Variants in FBXO34 observed in about 807,000 individuals in gnomAD.
FBXO34 encodes F-box protein 34.
A neutral mutation model predicts 24.5 loss-of-function variants in FBXO34; 12 were observed. The observed-to-expected ratio is 0.49, with a 90% CI of 0.31 to 0.79. FBXO34 has a LOEUF of 0.79. Among genes scored for constraint, FBXO34 ranks in the 30% least tolerant of loss-of-function variants. The pLI, the probability that FBXO34 is intolerant of heterozygous loss-of-function variation, is 0.04. For synonymous variants in FBXO34, 320 were observed against 311.9 expected (o/e 1.03, Z -0.27); for missense variants, 823 against 857.7 (o/e 0.96, Z 0.51).
At chr14:55,296,937 C>T (rs1882156586) in intron 1 of FBXO34, among the ~76,000 whole-genome samples, 1 of 152,060 alleles carries the variant, frequency 6.6e-6, no homozygotes. Context: ...CAGACTGTAC[C>T]TGGTTATCTC....
the FBXO34 span, among the ~76,000 whole-genome samples, chr14:55,384,233 TTTC>T: frequency 6.6e-6 from 1 of 152,256 alleles, no homozygotes; most frequent in African/African-American, 2.4e-5. Flanking sequence ...AGAAATAGTT[TTTC>T]TTCATATTTT....
At chr14:55,315,156 A>G (rs1003203532) in intron 1 of FBXO34, among the ~76,000 whole-genome samples, 2 of 152,360 alleles carry the variant, frequency 1.3e-5, no homozygotes, top group Admixed American at 6.5e-5. Context: ...TAAGATTCAC[A>G]GTTAAGCCAT....
chr14:55,439,696 C>T, the FBXO34 span, among the ~76,000 whole-genome samples: 2 of 150,184 alleles, frequency 1.3e-5, no homozygotes, highest in African/African-American at 4.9e-5. Flanking sequence ...TTTGGGAGGC[C>T]AAGGCGGGTG....
At chr14:55,326,942 T>C (rs1211877555) in intron 1 of FBXO34, among the ~76,000 whole-genome samples, 2 of 152,178 alleles carry the variant, frequency 1.3e-5, no homozygotes, top group East Asian at 1.9e-4. Flanking sequence ...CTGTTAAATA[T>C]GGCAGTGAAC....
exon 3 of FBXO34, chr14:55,368,086 G>A (rs1255066687): frequency 6.8e-6 from 1 of 146,712 alleles, no homozygotes; most frequent in African/African-American, 2.5e-5. Context: ...TTGTTACATA[G>A]GATTTTTTTG....
chr14:55,382,371 G>C, the FBXO34 span, among the ~76,000 whole-genome samples: 5 of 152,256 alleles, frequency 3.3e-5, no homozygotes, highest in East Asian at 9.6e-4. Flanking sequence ...GGAGCGCAGT[G>C]ACAGATGTAA....
chr14:55,348,902 A>C (rs898569866), intron 1 of FBXO34, among the ~76,000 whole-genome samples: 1 of 152,176 alleles, frequency 6.6e-6, no homozygotes, highest in African/African-American at 2.4e-5. Context: ...GCAGGTACCC[A>C]GTAAATGTGG....
chr14:55,419,786 G>T, the FBXO34 span, among the ~76,000 whole-genome samples: 10 of 152,158 alleles, frequency 6.6e-5, no homozygotes, highest in African/African-American at 2.4e-4. Context: ...TATGGGCATT[G>T]GCATTCTACA....
chr14:55,372,938 T>C (rs1884851079), downstream of FBXO34, among the ~76,000 whole-genome samples: 3 of 152,162 alleles, frequency 2.0e-5, no homozygotes, highest in African/African-American at 7.2e-5. Context: ...GGAAGACTCC[T>C]CAAGGGGCCA....
the FBXO34 span, chr14:55,411,464 A>G: frequency 7.1e-6 from 6 of 845,576 alleles, no homozygotes; most frequent in Non-Finnish European, 1.1e-5. Flanking sequence ...GGTGCAGAGC[A>G]GCTAGCTACA....
chr14:55,302,104 G>A (rs1424525431), intron 1 of FBXO34, among the ~76,000 whole-genome samples: 1 of 152,228 alleles, frequency 6.6e-6, no homozygotes, highest in African/African-American at 2.4e-5. Flanking sequence ...TGGTTGCAAA[G>A]TTACATGTGT....
chr14:55,437,929 AATTT>A, the FBXO34 span, among the ~76,000 whole-genome samples: 1 of 152,334 alleles, frequency 6.6e-6, no homozygotes, highest in Admixed American at 6.5e-5. Flanking sequence ...AGTGTAAATC[AATTT>A]ATTTTCAGTC....
chr14:55,394,275 G>A, the FBXO34 span, among the ~76,000 whole-genome samples: 5 of 151,944 alleles, frequency 3.3e-5, no homozygotes, highest in Admixed American at 6.6e-5. Flanking sequence ...AAAGTGCTGG[G>A]ATTATAGGCA....
chr14:55,367,318 G>T (rs754571057), exon 3 of FBXO34: 1 of 152,156 alleles, frequency 6.6e-6, no homozygotes, highest in Non-Finnish European at 1.5e-5. Flanking sequence ...TTACAAGATC[G>T]TTAAGTTTAT....
At chr14:55,363,634 G>A (rs534762794), downstream of FBXO34, among the ~76,000 whole-genome samples, 462 of 152,050 alleles carry the variant, frequency 3.0e-3, 5 homozygotes, top group African/African-American at 0.011. Flanking sequence ...CAGCCCACAA[G>A]ACTCTTTAAT....
chr14:55,428,980 G>A, the FBXO34 span: 1 of 1,613,890 alleles, frequency 6.2e-7, no homozygotes. Context: ...CTTCACTGGG[G>A]AGGGGCAAAT....
chr14:55,419,765 C>T, the FBXO34 span, among the ~76,000 whole-genome samples: 13 of 152,208 alleles, frequency 8.5e-5, no homozygotes, highest in Non-Finnish European at 1.8e-4. Context: ...CAAATTGCCA[C>T]ACATCTGTAC....
chr14:55,414,138 A>G, the FBXO34 span: 1 of 539,142 alleles, frequency 1.9e-6, no homozygotes, highest in East Asian at 3.8e-5. Flanking sequence ...ATATCATTCT[A>G]GTGAGACCCT....
At chr14:55,290,633 G>A (rs1300537154) in intron 1 of FBXO34, among the ~76,000 whole-genome samples, 1 of 152,040 alleles carries the variant, frequency 6.6e-6, no homozygotes, top group African/African-American at 2.4e-5. Flanking sequence ...AAAGGGCAGA[G>A]GTTCTATGTT....
Sources: gnomAD v4.1 joint callset for allele counts (sites outside exome capture counted in the v4.1 genomes callset) on GRCh38, gnomAD v4.1.1 for gene constraint, MANE v1.5 for transcripts, NCBI Gene and HGNC (gene_info 2026-07-23, HGNC 2026-07-21) for gene names.